Variants in UIMC1 observed in about 807,000 individuals in gnomAD.
UIMC1 encodes ubiquitin interaction motif containing 1, also known as BRCA1-A complex subunit RAP80.
A neutral mutation model predicts 84.9 loss-of-function variants in UIMC1; 42 were observed. That is an observed-to-expected ratio of 0.49 (90% CI 0.39 to 0.64). The LOEUF (loss-of-function observed/expected upper bound fraction) is 0.64, where lower values mean the gene tolerates loss of function less well. UIMC1 is among the 30% of genes least tolerant of loss of function. The probability of loss-of-function intolerance (pLI) is 0.00; values close to 1 mark genes in which losing one functional copy is unlikely to be tolerated. For missense variants in UIMC1, 825 were observed against 847.6 expected, an observed-to-expected ratio of 0.97 and a Z score of 0.33; for synonymous variants, 281 against 293.0, an observed-to-expected ratio of 0.96 and a Z score of 0.42.
intron 10 of UIMC1, among the ~76,000 whole-genome samples, chr5:176,915,370 C>G (rs906437990): frequency 6.6e-6 from 1 of 151,712 alleles, no homozygotes; most frequent in African/African-American, 2.4e-5. Context: ...TTATGAGGAC[C>G]TATTTTGTGC....
rs535624010 is a variant in UIMC1 at position 176,960,673 on chromosome 5, G to C, written c.1201-2519C>G. Among the ~76,000 whole-genome samples, 10 of 18,150 alleles carry C rather than the reference G, an allele frequency of 5.5e-4. 2 individuals carry two copies. In the East Asian group the frequency reaches 0.016, roughly 28 times the overall value. 11.9% of individuals were successfully genotyped at this position (18,150 alleles called of 152,430 possible). On this transcript the variant is annotated intron_variant, in intron 6 of 14. Coordinates refer to ENST00000511320, the MANE Select transcript of UIMC1 (RefSeq NM_001199298.2). The stretch of plus-strand genomic sequence containing the variant: ...TCCGTCTCCGTCTCCGTCTCCCCAC[G>C]GTCTCCCTCTCATGCGGAGCCGAAG...
chr5:177,016,092 C>T (rs567951985), intron 1 of UIMC1, among the ~76,000 whole-genome samples: 8 of 151,616 alleles, frequency 5.3e-5, no homozygotes, highest in Admixed American at 2.0e-4. Flanking sequence ...AGGCAGGACG[C>T]GGTGGCTCAT....
At chr5:177,000,160 G>A (rs933934711) in intron 1 of UIMC1, among the ~76,000 whole-genome samples, 1 of 152,108 alleles carries the variant, frequency 6.6e-6, no homozygotes, top group Non-Finnish European at 1.5e-5. Flanking sequence ...GGGTTTCACC[G>A]TGTTAGCCAG....
chr5:176,938,189 CAAAAA>C (rs1170386962), intron 10 of UIMC1, among the ~76,000 whole-genome samples: 2 of 56,334 alleles, frequency 3.6e-5, no homozygotes, highest in Non-Finnish European at 6.2e-5. Context: ...GACCCTGTCT[CAAAAA>C]AAAAAAAAAA....
intron 10 of UIMC1, among the ~76,000 whole-genome samples, chr5:176,912,255 T>C (rs1024264247): frequency 6.6e-6 from 1 of 152,220 alleles, no homozygotes; most frequent in African/African-American, 2.4e-5. Flanking sequence ...CTGTCACAAC[T>C]ACTCAACTCT....
chr5:176,917,514 G>A (rs938318339), intron 10 of UIMC1, among the ~76,000 whole-genome samples: 1 of 152,202 alleles, frequency 6.6e-6, no homozygotes, highest in Admixed American at 6.5e-5. Context: ...GGAGGTTGCA[G>A]TGAGCCAAGA....
intron 1 of UIMC1, among the ~76,000 whole-genome samples, chr5:177,013,290 G>A (rs1449938894): frequency 3.3e-5 from 5 of 151,616 alleles, no homozygotes; most frequent in African/African-American, 1.2e-4. Flanking sequence ...GAACTCAGGA[G>A]GCGGAGGTTG....
chr5:176,939,377 G>A (rs1561783720), intron 10 of UIMC1, among the ~76,000 whole-genome samples: 1 of 152,204 alleles, frequency 6.6e-6, no homozygotes, highest in East Asian at 1.9e-4. Flanking sequence ...AGACACATTG[G>A]CATTGAAAAG....
At chr5:176,962,362 GC>G (rs1194957539) in intron 6 of UIMC1, among the ~76,000 whole-genome samples, 1 of 25,740 alleles carries the variant, frequency 3.9e-5, no homozygotes, top group Non-Finnish European at 6.9e-5. Flanking sequence ...GGTCAGCCCC[GC>G]TGCCCGGCCA....
At chr5:176,954,151 C>T (rs1226614967) in intron 8 of UIMC1, among the ~76,000 whole-genome samples, 1 of 152,170 alleles carries the variant, frequency 6.6e-6, no homozygotes, top group African/African-American at 2.4e-5. Context: ...TATGAAGGGC[C>T]TGCTTTTCCC....
chr5:176,958,783 A>C (rs1256085918), intron 6 of UIMC1, among the ~76,000 whole-genome samples: 2 of 152,228 alleles, frequency 1.3e-5, no homozygotes, highest in Non-Finnish European at 2.9e-5. Context: ...CTACATAAGG[A>C]AAGATTATTT....
Position 176,955,976 on chromosome 5 carries a change from T to C in UIMC1, c.1322A>G (p.Glu441Gly). 1 of 1,613,770 alleles carries C rather than the reference T, an allele frequency of 6.2e-7. No individual in the cohort carries two copies. Among genetic ancestry groups the C allele is most frequent in the Non-Finnish European group, 8.5e-7 (1 of 1,179,772 alleles). The change falls in exon 8 of 15, where the codon GAA (glutamate) becomes GGA (glycine). Residue 441 changes from glutamate (E) to glycine (G), a missense_variant. By Grantham distance (98) the Glu-to-Gly change is moderately conservative. Transcript: ENST00000511320. ...GTACTTACCAGGACAAACAGTGATTTCTTCTGCAGAACTCTCTGGCATAAG... is the reference window on the plus strand; with the variant it reads ...GTACTTACCAGGACAAACAGTGATTCCTTCTGCAGAACTCTCTGGCATAAG... The part of the protein sequence containing the change: ...LVLMPESSAE[E>G]ITVCPETQLS...
In UIMC1 at chr5:176,905,395, CAA is replaced by C. The variant is rs747209028; in HGVS notation, c.2045_2046del (p.Phe682CysfsTer14). The C allele has an allele frequency of 1.3e-5, 21 of 1,613,998 alleles. No individual in the cohort carries two copies. Among genetic ancestry groups the C allele is most frequent in the Non-Finnish European group, 8.5e-7 (1 of 1,180,014 alleles). On this transcript the variant is annotated frameshift_variant, in exon 15 of 15. Coordinates refer to ENST00000511320, the MANE Select transcript of UIMC1 (RefSeq NM_001199298.2). LOFTEE classifies it high-confidence loss of function. ...RDLNESPVKS[F>X]VSISEATDCL... ...CAATCTGTGGCTTCTGAAATGGAAA[CAA>C]AAGACTTGACGGGAGATTCATTTAA... is the stretch of plus-strand genomic sequence containing the variant.
chr5:176,951,708 T>C (rs936453098), intron 8 of UIMC1, 131 bp from the exon 9 acceptor site: 3 of 588,212 alleles, frequency 5.1e-6, no homozygotes, highest in South Asian at 6.4e-5. Flanking sequence ...TTAATAGATC[T>C]AGTTTGTTTC....
rs559054630 is a variant in UIMC1, at chr5:176,985,147, G to T, written c.-8-2524C>A. ...TTTAGAAAAATATAGGGAAAAAATGGTTTTTTTTTCTATAGAGAGAAACAT... is the reference window on the plus strand; with the variant it reads ...TTTAGAAAAATATAGGGAAAAAATGTTTTTTTTTTCTATAGAGAGAAACAT... On this transcript the variant is annotated intron_variant, in intron 1 of 14. Coordinates refer to ENST00000511320, the MANE Select transcript of UIMC1 (RefSeq NM_001199298.2). Among the ~76,000 whole-genome samples, 20 of 151,210 alleles carry T rather than the reference G, an allele frequency of 1.3e-4. No homozygotes were observed. The East Asian group carries it at 1.5e-3, about 12-fold the overall frequency.
chr5:176,958,215 T>C, intron 6 of UIMC1, 61 bp from the exon 7 acceptor site: 2 of 1,437,008 alleles, frequency 1.4e-6, no homozygotes, highest in Non-Finnish European at 1.9e-6. Context: ...TTCTCTTCCT[T>C]TTTTAAAAAA....
intron 6 of UIMC1, 46 bp from the exon 7 acceptor site, chr5:176,958,200 C>T: frequency 6.6e-7 from 1 of 1,507,588 alleles, no homozygotes. Flanking sequence ...CACAGGTGAA[C>T]TGGCTTCTCT....
At position 177,014,197 on chromosome 5, in the gene UIMC1, C is replaced by T. The variant is rs147374700; in HGVS notation, c.-9+8267G>A. Among the ~76,000 whole-genome samples the T allele has an allele frequency of 9.1e-3, 1,386 of 151,648 alleles. 9 individuals are homozygous for T. The highest frequency in any genetic ancestry group is 0.025 in the South Asian group (121 of 4,812). On this transcript the variant is annotated intron_variant, in intron 1 of 5. Transcript: ENST00000509236. ...CCTCCCAAGTAGCTGGGATTACAGG[C>T]GTGCAACACCATGCCCGGCTGATTT...
At chr5:176,932,210 C>T (rs1000516125) in intron 10 of UIMC1, among the ~76,000 whole-genome samples, 1 of 152,070 alleles carries the variant, frequency 6.6e-6, no homozygotes, top group South Asian at 2.1e-4. Flanking sequence ...AGGGTGAAGC[C>T]GACTAAAGAA....
Sources: gnomAD v4.1 joint callset for allele counts (sites outside exome capture counted in the v4.1 genomes callset) on GRCh38, gnomAD v4.1.1 for gene constraint, MANE v1.5 for transcripts, NCBI Gene and HGNC (gene_info 2026-07-23, HGNC 2026-07-21) for gene names.